PALLD: variants seen among roughly 807,000 people sequenced by gnomAD.
PALLD encodes the protein palladin, cytoskeletal associated protein.
In PALLD, 61 loss-of-function variants were observed where a neutral mutation model predicts 123.5. The observed-to-expected ratio is 0.49, with a 90% CI of 0.40 to 0.61. PALLD has a LOEUF of 0.61. Among genes scored for constraint, PALLD ranks in the 20% least tolerant of loss-of-function variants. The pLI, the probability that PALLD is intolerant of heterozygous loss-of-function variation, is 0.00. For missense variants in PALLD, 1,273 were observed against 1,377.0 expected, an observed-to-expected ratio of 0.92 and a Z score of 1.20; for synonymous variants, 465 against 496.4, an observed-to-expected ratio of 0.94 and a Z score of 0.84.
At chr4:168,715,642 T>TA (rs934039993) in intron 10 of PALLD, among the ~76,000 whole-genome samples, 1 of 152,290 alleles carries the variant, frequency 6.6e-6, no homozygotes, top group Non-Finnish European at 1.5e-5. Flanking sequence ...TGCTTCTCTT[T>TA]ATTCCTACCA....
intron 2 of PALLD, among the ~76,000 whole-genome samples, chr4:168,607,262 A>G (rs942536805): frequency 6.6e-6 from 1 of 152,222 alleles, no homozygotes; most frequent in Non-Finnish European, 1.5e-5. Flanking sequence ...CCTCCCTCAT[A>G]TTCTTTGGAG....
chr4:168,577,762 A>G (rs927754363), intron 2 of PALLD, among the ~76,000 whole-genome samples: 2 of 148,100 alleles, frequency 1.4e-5, no homozygotes, highest in African/African-American at 5.3e-5. Flanking sequence ...TAAATTGACC[A>G]TTACGCAAAA....
At chr4:168,783,236 T>C (rs1736203952) in intron 10 of PALLD, among the ~76,000 whole-genome samples, 1 of 152,198 alleles carries the variant, frequency 6.6e-6, no homozygotes, top group Non-Finnish European at 1.5e-5. Context: ...GAGTACCAGT[T>C]ATGTTCTTAT....
At chr4:168,781,147 A>G (rs1320165167) in intron 10 of PALLD, among the ~76,000 whole-genome samples, 3 of 152,166 alleles carry the variant, frequency 2.0e-5, no homozygotes, top group African/African-American at 7.2e-5. Flanking sequence ...AAGCTGTTGG[A>G]TTTGACTTTT....
chr4:168,508,180 G>A (rs1335801530), intron 1 of PALLD, among the ~76,000 whole-genome samples: 2 of 152,110 alleles, frequency 1.3e-5, no homozygotes, highest in African/African-American at 2.4e-5. Flanking sequence ...AAATGTTAGA[G>A]ATGAATATGC....
At chr4:168,588,712 G>T (rs56210041) in intron 2 of PALLD, among the ~76,000 whole-genome samples, 15,141 of 150,850 alleles carry the variant, frequency 0.1, 814 homozygotes, top group Admixed American at 0.13. Context: ...CTGGCTGAGT[G>T]TCAGATACTT....
At chr4:168,829,678 G>A (rs1743916851) in intron 10 of PALLD, among the ~76,000 whole-genome samples, 1 of 152,160 alleles carries the variant, frequency 6.6e-6, no homozygotes, top group South Asian at 2.1e-4. Flanking sequence ...CCCTGCTGCA[G>A]GCCACGTGAT....
At chr4:168,843,159 C>T (rs1222481568) in intron 10 of PALLD, among the ~76,000 whole-genome samples, 1 of 152,144 alleles carries the variant, frequency 6.6e-6, no homozygotes, top group Non-Finnish European at 1.5e-5. Flanking sequence ...GAAAGACTTC[C>T]CTGCAAACCT....
intron 2 of PALLD, among the ~76,000 whole-genome samples, chr4:168,577,947 G>C (rs1017354512): frequency 2.0e-5 from 3 of 151,928 alleles, no homozygotes; most frequent in African/African-American, 7.3e-5. Context: ...GGGGCGGGGC[G>C]GGGGGAACGT....
At chr4:168,679,217 G>GT (rs1580919404) in intron 3 of PALLD, among the ~76,000 whole-genome samples, 2 of 112,118 alleles carry the variant, frequency 1.8e-5, no homozygotes, top group African/African-American at 3.5e-5. Context: ...ATGTGTGTGG[G>GT]GTGTGTGTGT....
chr4:168,795,883 A>G (rs748042596), intron 10 of PALLD, among the ~76,000 whole-genome samples: 1 of 151,104 alleles, frequency 6.6e-6, no homozygotes, highest in Non-Finnish European at 1.5e-5. Flanking sequence ...TATTTTTTGT[A>G]CTTATTTTTT....
intron 10 of PALLD, among the ~76,000 whole-genome samples, chr4:168,828,711 C>T (rs1240232954): frequency 6.6e-6 from 1 of 152,210 alleles, no homozygotes; most frequent in Non-Finnish European, 1.5e-5. Context: ...AAATACTTGG[C>T]GAATTGAGCC....
At chr4:168,708,204 A>G (rs149116881) in intron 8 of PALLD, among the ~76,000 whole-genome samples, 3 of 152,326 alleles carry the variant, frequency 2.0e-5, no homozygotes, top group African/African-American at 7.2e-5. Context: ...GATTTAATCT[A>G]TGTTAAGTGC....
chr4:168,659,151 A>G (rs1211540772), intron 2 of PALLD, among the ~76,000 whole-genome samples: 1 of 152,236 alleles, frequency 6.6e-6, no homozygotes, highest in Non-Finnish European at 1.5e-5. Flanking sequence ...ATACTTATAG[A>G]TGGCCTGACT....
At chr4:168,921,835 A>C (rs1761571834) in intron 18 of PALLD, 94 bp downstream of exon 18, 1 of 971,872 alleles carries the variant, frequency 1.0e-6, no homozygotes, top group Non-Finnish European at 1.6e-6. Context: ...TACGGAAAAT[A>C]AAGTATTGAA....
intron 10 of PALLD, among the ~76,000 whole-genome samples, chr4:168,818,892 A>C (rs1742332569): frequency 1.3e-5 from 2 of 152,220 alleles, no homozygotes. Context: ...ATTACACACT[A>C]TCTGTATAGC....
chr4:168,897,804 A>G, intron 13 of PALLD, among the ~76,000 whole-genome samples: 1 of 151,000 alleles, frequency 6.6e-6, no homozygotes. Flanking sequence ...TAATCACCAC[A>G]GGAATGTTGA....
intron 14 of PALLD, among the ~76,000 whole-genome samples, chr4:168,899,912 C>T (rs1457965195): frequency 1.3e-5 from 2 of 148,612 alleles, no homozygotes; most frequent in South Asian, 2.1e-4. Context: ...AGTGAGACTC[C>T]GTCTCAAAAA....
At chr4:168,775,584 C>T (rs1735071729) in intron 10 of PALLD, among the ~76,000 whole-genome samples, 1 of 152,006 alleles carries the variant, frequency 6.6e-6, no homozygotes, top group South Asian at 2.1e-4. Flanking sequence ...GCTTTGATAT[C>T]TTATTAAAGA....
Sources: allele counts gnomAD v4.1 joint callset (sites outside exome capture counted in the v4.1 genomes callset), GRCh38; gene constraint gnomAD v4.1.1; transcripts MANE v1.5; gene names NCBI Gene and HGNC (gene_info 2026-07-23, HGNC 2026-07-21).